The following MED27 variants were observed in gnomAD, a reference collection of about 807,000 sequenced individuals.
MED27 encodes the protein mediator complex subunit 27.
In MED27, 30 loss-of-function variants were observed where a neutral mutation model predicts 38.2. The observed-to-expected ratio is 0.79, with a 90% CI of 0.59 to 1.07. MED27 has a LOEUF of 1.07. MED27 is among the 50% of genes least tolerant of loss of function. The probability of loss-of-function intolerance (pLI) is 0.00; values close to 1 mark genes in which losing one functional copy is unlikely to be tolerated. For synonymous variants in MED27, 122 were observed against 153.5 expected (o/e 0.79, Z 1.52); for missense variants, 289 against 397.5 (o/e 0.73, Z 2.32).
chr9:132,019,372 C>T (rs1486941441), intron 2 of MED27, among the ~76,000 whole-genome samples: 2 of 152,206 alleles, frequency 1.3e-5, no homozygotes, highest in African/African-American at 4.8e-5. Flanking sequence ...TCTGACAGTC[C>T]TCTTATGGCT....
chr9:131,912,995 G>A (rs990040962), intron 4 of MED27, among the ~76,000 whole-genome samples: 1 of 152,180 alleles, frequency 6.6e-6, no homozygotes, highest in Non-Finnish European at 1.5e-5. Context: ...CTCCCTTTGA[G>A]GGTAGGTACA....
rs1159266494 is a variant in MED27 at position 131,861,120 on chromosome 9, G to A, written c.802-448C>T. 2.6e-5 allele frequency among the ~76,000 whole-genome samples: 4 copies of A among 152,068 alleles called. No individual in the cohort carries two copies. Among genetic ancestry groups the A allele is most frequent in the Non-Finnish European group, 5.9e-5 (4 of 68,014 alleles). On this transcript the variant is annotated intron_variant, in intron 7 of 7. Coordinates refer to ENST00000292035, the MANE Select transcript of MED27 (RefSeq NM_004269.4). This position sits in a 1 kb window ranked among gnomAD's most constrained non-coding sequence, Gnocchi z 4.4. Reference sequence around the variant, plus strand: ...GGACAATTCCAGAGTTCTCCGCGGAGGTCAACATGCCTTCTAGCTAATCTG... The same window carrying A: ...GGACAATTCCAGAGTTCTCCGCGGAAGTCAACATGCCTTCTAGCTAATCTG...
intron 5 of MED27, among the ~76,000 whole-genome samples, chr9:131,886,245 CTG>C (rs1839138017): frequency 6.6e-6 from 1 of 152,180 alleles, no homozygotes; most frequent in African/African-American, 2.4e-5. Flanking sequence ...GAAAATTTCA[CTG>C]TGTTTGAAAA....
rs530776324 is a variant in MED27, at chr9:131,893,751, C to T, written c.681+134G>A. The T allele has an allele frequency of 1.8e-5, 12 of 657,044 alleles. No individual in the cohort carries two copies. In the East Asian group the frequency reaches 3.3e-4, roughly 18 times the overall value. The allele number at this position is 657,044 out of a possible 1,614,324, so 40.7% of individuals were successfully genotyped here. A position where few individuals can be genotyped will look rare whatever the true frequency, so the allele number is the denominator to read the frequency against. On this transcript the variant is annotated intron_variant, in intron 5 of 7. Transcript: ENST00000292035. ...TGTTTTTTCACAAAGTGTGCATCCT[C>T]ACACTGACAAATCTATGTTTGCTGA...
chr9:131,869,486 G>T, intron 6 of MED27: 2 of 889,680 alleles, frequency 2.2e-6, no homozygotes, highest in South Asian at 5.1e-5. Flanking sequence ...ATGAGATTCC[G>T]CTGGGAGATA....
At chr9:131,946,349 A>G (rs748961979) in intron 3 of MED27, among the ~76,000 whole-genome samples, 4 of 152,096 alleles carry the variant, frequency 2.6e-5, no homozygotes, top group Non-Finnish European at 4.4e-5. Context: ...TGACTGTACT[A>G]ATTTGCAGTT....
chr9:131,901,102 AG>A (rs1040516311), intron 4 of MED27, among the ~76,000 whole-genome samples: 35 of 21,140 alleles, frequency 1.7e-3, no homozygotes, highest in Non-Finnish European at 2.8e-3. Flanking sequence ...TGAGGGAGGG[AG>A]GGGGGAAGGA....
chr9:131,875,601 A>G (rs1442081109), intron 6 of MED27, among the ~76,000 whole-genome samples: 1 of 152,218 alleles, frequency 6.6e-6, no homozygotes, highest in Non-Finnish European at 1.5e-5. Flanking sequence ...GAAGTTGACC[A>G]GGTGGTAGAC....
At position 131,880,896 on chromosome 9, in the gene MED27, C is replaced by T. The variant is rs760167179; in HGVS notation, c.723+3162G>A. The stretch of plus-strand genomic sequence containing the variant: ...TGCTTGCATTAAAAAATACTTAATA[C>T]TACAAGAACATTAAAAAAAAAAAAC... On this transcript the variant is annotated intron_variant, in intron 6 of 7. Transcript: ENST00000292035. Among the ~76,000 whole-genome samples, 205 of 151,506 alleles carry T rather than the reference C, an allele frequency of 1.4e-3. 2 individuals carry two copies. In the Middle Eastern group the frequency reaches 0.017, roughly 13 times the overall value.
At chr9:131,986,107 A>G (rs144663878) in intron 3 of MED27, among the ~76,000 whole-genome samples, 128 of 152,342 alleles carry the variant, frequency 8.4e-4, no homozygotes, top group African/African-American at 3.0e-3. Flanking sequence ...AAAGTTAACA[A>G]AATGTAAAAG....
chr9:132,047,298 C>T (rs1054433751), intron 2 of MED27, among the ~76,000 whole-genome samples: 2 of 151,966 alleles, frequency 1.3e-5, no homozygotes, highest in African/African-American at 4.8e-5. Flanking sequence ...CATAAGAGAT[C>T]GATAACCACG....
chr9:132,037,551 C>T (rs1010618202), intron 2 of MED27, among the ~76,000 whole-genome samples: 4 of 152,108 alleles, frequency 2.6e-5, no homozygotes, highest in Non-Finnish European at 5.9e-5. Context: ...ATCCTTGGAG[C>T]GGTTGGTAAT....
At chr9:131,965,288 T>C (rs1831313047) in intron 3 of MED27, among the ~76,000 whole-genome samples, 2 of 152,190 alleles carry the variant, frequency 1.3e-5, no homozygotes, top group African/African-American at 4.8e-5. Context: ...CATACCACAG[T>C]GGAATGTGCT....
rs938878129 is a variant in MED27 at position 131,917,509 on chromosome 9, C to G, written c.573+21872G>C. 1.3e-5 allele frequency among the ~76,000 whole-genome samples: 2 copies of G among 151,540 alleles called. No homozygotes were observed. Among genetic ancestry groups the G allele is most frequent in the African/African-American group, 4.9e-5 (2 of 41,194 alleles). On this transcript the variant is annotated intron_variant, in intron 4 of 7. Transcript: ENST00000292035. The surrounding 1 kb of genome is among the most constrained non-coding windows in gnomAD (Gnocchi z 4.6). ...CAGGTAGACCAGGAGACCAATGAGA[C>G]GGCTGGAGCAAGGGTTCAGACGACA... is the stretch of plus-strand genomic sequence containing the variant.
intron 2 of MED27, among the ~76,000 whole-genome samples, chr9:132,075,986 T>C (rs1194025483): frequency 1.3e-5 from 2 of 152,180 alleles, no homozygotes; most frequent in Admixed American, 1.3e-4. Flanking sequence ...CAGTGAATCA[T>C]CTCAGAGGGC....
At chr9:131,969,969 G>A (rs58231900) in intron 3 of MED27, among the ~76,000 whole-genome samples, 1 of 152,084 alleles carries the variant, frequency 6.6e-6, no homozygotes, top group Non-Finnish European at 1.5e-5. Context: ...GGAGGGCTGG[G>A]GGGGGGTGGG....
Position 131,863,144 on chromosome 9 carries a change from A to G in MED27, c.724-4T>C, listed in dbSNP as rs577161145. On this transcript the variant is annotated splice_region_variant and splice_polypyrimidine_tract_variant and intron_variant, in intron 6 of 7. Transcript: ENST00000292035. ...CAGTGGTGGCATGGTCTGTCACCTGAGAGTGAAGGACAAAGACGAGTTAGC... is the reference window on the plus strand; with the variant it reads ...CAGTGGTGGCATGGTCTGTCACCTGGGAGTGAAGGACAAAGACGAGTTAGC... 29 of 1,613,960 alleles carry G rather than the reference A, an allele frequency of 1.8e-5. No homozygotes were observed. In the South Asian group the frequency reaches 3.0e-4, roughly 17 times the overall value.
intron 3 of MED27, among the ~76,000 whole-genome samples, chr9:131,944,241 A>G (rs917928662): frequency 6.6e-6 from 1 of 152,212 alleles, no homozygotes; most frequent in African/African-American, 2.4e-5. Context: ...CCAGGACCTC[A>G]GAGGTCCTCT....
rs113725735 is a variant in MED27, at chr9:131,872,362, G to C, written c.724-9222C>G. On this transcript the variant is annotated intron_variant, in intron 6 of 7. Coordinates refer to ENST00000292035, the MANE Select transcript of MED27 (RefSeq NM_004269.4). This position sits in a 1 kb window ranked among gnomAD's most constrained non-coding sequence, Gnocchi z 5.6. ...CCGAGGCCAAGCTAGAAGAGCGGGC[G>C]CCTCTACTATTCGGAGTATTTCCTC... Among the ~76,000 whole-genome samples, 1 of 152,234 alleles carries C rather than the reference G, an allele frequency of 6.6e-6. No homozygotes were observed. Among genetic ancestry groups the C allele is most frequent in the African/African-American group, 2.4e-5 (1 of 41,448 alleles).
Sources: allele counts gnomAD v4.1 joint callset (sites outside exome capture counted in the v4.1 genomes callset), GRCh38; gene constraint gnomAD v4.1.1; non-coding constraint Gnocchi (gnomAD v3.1); transcripts MANE v1.5; gene names NCBI Gene and HGNC (gene_info 2026-07-23, HGNC 2026-07-21).